NTAQ1: variants seen among roughly 807,000 people sequenced by gnomAD.
NTAQ1 encodes N-terminal glutamine amidase 1, also known as protein N-terminal glutamine amidohydrolase.
NTAQ1 carries 21 observed loss-of-function variants against 28.2 expected under a neutral mutation model. That is an observed-to-expected ratio of 0.74 (90% CI 0.53 to 1.07). NTAQ1 has a LOEUF of 1.07. NTAQ1 is among the 50% of genes least tolerant of loss of function. NTAQ1 has a pLI of 0.00. For missense variants in NTAQ1, 264 were observed against 256.6 expected (o/e 1.03, Z -0.20); for synonymous variants, 105 against 90.0 (o/e 1.17, Z -0.94).
chr8:123,436,664 GTTC>G (rs1307727396), intron 4 of NTAQ1, 63 bp downstream of exon 4: 4 of 1,517,234 alleles, frequency 2.6e-6, no homozygotes, highest in Non-Finnish European at 3.5e-6. Flanking sequence ...TTCCACAGAG[GTTC>G]TTTTTTTTTT....
At chr8:123,417,126 T>C (rs1230203255) in intron 1 of NTAQ1, among the ~76,000 whole-genome samples, 194 bp downstream of exon 1, 2 of 152,026 alleles carry the variant, frequency 1.3e-5, no homozygotes, top group Non-Finnish European at 1.5e-5. Flanking sequence ...TTGGATGGGG[T>C]TGGGAATTCG....
rs1429256419 is a variant in NTAQ1, at chr8:123,429,985, A to G, written c.186A>G (p.Ile62Met). Residue 62 changes from isoleucine to methionine, a missense_variant and splice_region_variant, in exon 3 of 6, where the codon ATA (isoleucine) becomes ATG (methionine). Ile to Met is a conservative substitution (Grantham distance 10). Transcript: ENST00000287387. The stretch of plus-strand genomic sequence containing the variant: ...ACGAAATGTATTGTATTTTGTAGAT[A>G]CCTATCTGGAAACAACAGGCGAGAC... ...AVFISNERKM[I>M]PIWKQQARPG... 4 of 1,611,170 alleles carry G rather than the reference A, an allele frequency of 2.5e-6. No homozygotes were observed. Among genetic ancestry groups the G allele is most frequent in the South Asian group, 1.1e-5 (1 of 90,686 alleles).
intron 6 of NTAQ1, among the ~76,000 whole-genome samples, chr8:123,455,388 T>C (rs1195338093): frequency 6.6e-6 from 1 of 151,536 alleles, no homozygotes; most frequent in Non-Finnish European, 1.5e-5. Flanking sequence ...CAACCACTTG[T>C]GTTACCAATA....
chr8:123,464,074 A>G (rs1389778669), intron 6 of NTAQ1, among the ~76,000 whole-genome samples: 2 of 152,156 alleles, frequency 1.3e-5, no homozygotes, highest in Non-Finnish European at 2.9e-5. Flanking sequence ...CATGATTGTG[A>G]GGCCTCCCTA....
chr8:123,435,644 A>G (rs1586946001), intron 3 of NTAQ1: 1 of 541,432 alleles, frequency 1.8e-6, no homozygotes, highest in Non-Finnish European at 2.4e-6. Context: ...AGGCGGGGGG[A>G]TCACTTGAGG....
chr8:123,453,555 A>C (rs1158592855), intron 6 of NTAQ1, among the ~76,000 whole-genome samples: 1 of 151,838 alleles, frequency 6.6e-6, no homozygotes, highest in Non-Finnish European at 1.5e-5. Context: ...CAGCCTCCTG[A>C]GTAGCTGGGA....
chr8:123,448,743 C>T (rs1009457119), downstream of NTAQ1, among the ~76,000 whole-genome samples: 24 of 152,162 alleles, frequency 1.6e-4, no homozygotes, highest in Middle Eastern at 3.2e-3. Context: ...TGAACACAGA[C>T]GTCTATCCAG....
chr8:123,440,534 C>G (rs1586953134), intron 5 of NTAQ1, among the ~76,000 whole-genome samples: 1 of 140,090 alleles, frequency 7.1e-6, no homozygotes, highest in South Asian at 2.3e-4. Flanking sequence ...AAGCCTTGCT[C>G]TGTTGCCCAG....
chr8:123,465,677 G>A (rs1391195612), intron 6 of NTAQ1, among the ~76,000 whole-genome samples: 3 of 150,084 alleles, frequency 2.0e-5, no homozygotes, highest in Admixed American at 6.7e-5. Context: ...TGCCTCCTGG[G>A]TTCAAGCAAT....
downstream of NTAQ1, among the ~76,000 whole-genome samples, chr8:123,470,567 T>G (rs928233052): frequency 3.2e-4 from 48 of 152,222 alleles, no homozygotes; most frequent in African/African-American, 1.2e-3. Flanking sequence ...ATTCACTTAT[T>G]TCATAAGACA....
At chr8:123,421,663 C>A (rs1287145125) in intron 1 of NTAQ1, among the ~76,000 whole-genome samples, 3 of 151,272 alleles carry the variant, frequency 2.0e-5, no homozygotes, top group Non-Finnish European at 4.4e-5. Flanking sequence ...TGTGCACCAC[C>A]ATGCCCAGCT....
At chr8:123,437,595 A>C (rs932964832) in intron 5 of NTAQ1, among the ~76,000 whole-genome samples, 37 of 151,630 alleles carry the variant, frequency 2.4e-4, no homozygotes, top group African/African-American at 8.2e-4. Flanking sequence ...CCCAGCTACT[A>C]GGGAGGCTGA....
chr8:123,418,189 G>A (rs1352572006), intron 1 of NTAQ1, among the ~76,000 whole-genome samples: 3 of 152,126 alleles, frequency 2.0e-5, no homozygotes, highest in Non-Finnish European at 4.4e-5. Flanking sequence ...GATGGCTCAC[G>A]CCTGTAATTC....
At chr8:123,470,486 AGT>A (rs1415479121), downstream of NTAQ1, among the ~76,000 whole-genome samples, 2 of 152,206 alleles carry the variant, frequency 1.3e-5, no homozygotes, top group African/African-American at 4.8e-5. Context: ...TGTCCCAAAG[AGT>A]GAGAATAGTG....
At chr8:123,452,828 A>C (rs1354325266), downstream of NTAQ1, among the ~76,000 whole-genome samples, 1 of 151,230 alleles carries the variant, frequency 6.6e-6, no homozygotes, top group Non-Finnish European at 1.5e-5. Context: ...AATTGCTTGA[A>C]CCCGGGAGGT....
chr8:123,434,999 C>A (rs1814617081), intron 3 of NTAQ1, among the ~76,000 whole-genome samples: 1 of 152,162 alleles, frequency 6.6e-6, no homozygotes, highest in Non-Finnish European at 1.5e-5. Flanking sequence ...AAGTATTGTT[C>A]TTACCTCAGG....
chr8:123,425,418 A>G (rs1813989983), intron 1 of NTAQ1, among the ~76,000 whole-genome samples: 1 of 151,636 alleles, frequency 6.6e-6, no homozygotes, highest in Non-Finnish European at 1.5e-5. Context: ...ATTACTCTAT[A>G]GTACATATCA....
At chr8:123,419,025 T>A (rs1192346648) in intron 1 of NTAQ1, among the ~76,000 whole-genome samples, 1 of 151,298 alleles carries the variant, frequency 6.6e-6, no homozygotes, top group Non-Finnish European at 1.5e-5. Context: ...TGCTCTACCC[T>A]GTCTGAACAC....
chr8:123,451,588 T>C (rs6986525), downstream of NTAQ1, among the ~76,000 whole-genome samples: 108,462 of 151,700 alleles, frequency 0.71, 39,075 homozygotes, highest in East Asian at 0.93. Flanking sequence ...GTCCGCCCAC[T>C]TCAGCCTCCC....
Sources: allele counts gnomAD v4.1 joint callset (sites outside exome capture counted in the v4.1 genomes callset), GRCh38; gene constraint gnomAD v4.1.1; transcripts MANE v1.5; gene names NCBI Gene and HGNC (gene_info 2026-07-23, HGNC 2026-07-21).